NUP133: variants seen among roughly 807,000 people sequenced by gnomAD.
NUP133 encodes nuclear pore complex protein Nup133.
NUP133 carries 66 observed loss-of-function variants against 146.2 expected under a neutral mutation model. That is an observed-to-expected ratio of 0.45 (90% CI 0.37 to 0.55). The LOEUF (loss-of-function observed/expected upper bound fraction) is 0.55. Among genes scored for constraint, NUP133 ranks in the 20% least tolerant of loss-of-function variants. The pLI is 0.00. For missense variants in NUP133, 1,277 were observed against 1,374.8 expected (o/e 0.93, Z 1.12); for synonymous variants, 521 against 498.8 (o/e 1.04, Z -0.59).
In NUP133 at chr1:229,463,685, A is replaced by G; in HGVS notation, c.2552-9T>C. 1 of 1,580,652 alleles carries G rather than the reference A, an allele frequency of 6.3e-7. No homozygotes were observed. The highest frequency in any genetic ancestry group is 8.5e-7 in the Non-Finnish European group (1 of 1,170,208). On this transcript the variant is annotated splice_polypyrimidine_tract_variant and intron_variant, in intron 18 of 25. Coordinates refer to ENST00000261396, the MANE Select transcript of NUP133 (RefSeq NM_018230.3). The stretch of plus-strand genomic sequence containing the variant: ...GTACTGGCCTAGTGAAACTGTGGGA[A>G]TGAGAAAAGATGGGAAAAAATCCTG...
chr1:229,492,758 G>GA (rs1661557960), intron 8 of NUP133, among the ~76,000 whole-genome samples: 1 of 152,016 alleles, frequency 6.6e-6, no homozygotes, highest in Non-Finnish European at 1.5e-5. Context: ...TTGGGGACCT[G>GA]AAGGGGAAGG....
chr1:229,505,525 A>G (rs1460497569), intron 2 of NUP133, among the ~76,000 whole-genome samples: 1 of 144,020 alleles, frequency 6.9e-6, no homozygotes, highest in African/African-American at 2.5e-5. Context: ...AAATGAACTC[A>G]TTCTCCTTCT....
At chr1:229,480,469 G>A (rs1418042247) in intron 12 of NUP133, among the ~76,000 whole-genome samples, 1 of 152,168 alleles carries the variant, frequency 6.6e-6, no homozygotes. Context: ...AAAAGATTTA[G>A]TGTTTTTTGG....
intron 2 of NUP133, among the ~76,000 whole-genome samples, chr1:229,503,005 C>T (rs991472197): frequency 2.6e-5 from 4 of 151,896 alleles, no homozygotes; most frequent in East Asian, 3.9e-4. Flanking sequence ...GGGTGGCTCA[C>T]GCCTGTAATC....
At chr1:229,479,396 T>C (rs1368471237) in intron 12 of NUP133, among the ~76,000 whole-genome samples, 2 of 152,250 alleles carry the variant, frequency 1.3e-5, no homozygotes, top group Admixed American at 1.3e-4. Flanking sequence ...TACGGTTGTT[T>C]TATTACTATT....
At chr1:229,456,772 TACAC>T (rs200971911) in intron 21 of NUP133, among the ~76,000 whole-genome samples, 2 of 151,730 alleles carry the variant, frequency 1.3e-5, no homozygotes, top group Admixed American at 6.6e-5. Context: ...ATTTTATATA[TACAC>T]ACACACATTT....
intron 21 of NUP133, among the ~76,000 whole-genome samples, chr1:229,454,037 C>T (rs1291486351): frequency 6.6e-6 from 1 of 152,078 alleles, no homozygotes; most frequent in Non-Finnish European, 1.5e-5. Flanking sequence ...TGTAAGTGGA[C>T]CCATGCAGTT....
intron 7 of NUP133, 123 bp from the exon 8 acceptor site, chr1:229,495,688 T>TAA: frequency 9.3e-6 from 7 of 755,366 alleles, no homozygotes; most frequent in Admixed American, 3.3e-5. Context: ...ATGTATACAT[T>TAA]AAAAAAAAAA....
chr1:229,473,778 G>C (rs1661010275), intron 14 of NUP133, among the ~76,000 whole-genome samples: 1 of 152,038 alleles, frequency 6.6e-6, no homozygotes, highest in Admixed American at 6.5e-5. Context: ...CACAAAATTA[G>C]CCAGGTTCAG....
chr1:229,470,609 G>C lies in NUP133; in HGVS notation c.2047C>G (p.Leu683Val). 6 of 1,614,212 alleles carry C rather than the reference G, an allele frequency of 3.7e-6. No individual in the cohort carries two copies. In the South Asian group the frequency reaches 5.5e-5, roughly 15 times the overall value. Reference sequence around the variant, plus strand: ...CTGAAAAAGACATCTGCAGGAGTCAGGTTGGATGGGATTTCATACTCCCTC... The same window carrying C: ...CTGAAAAAGACATCTGCAGGAGTCACGTTGGATGGGATTTCATACTCCCTC... ...NKREYEIPSN[L>V]TPADVFFREV... The change falls in exon 15 of 26, where the codon CTG becomes GTG. Residue 683 changes from leucine (L) to valine (V), a missense_variant. Coordinates refer to ENST00000261396, the MANE Select transcript of NUP133 (RefSeq NM_018230.3).
At chr1:229,459,724 G>A (rs1041698234) in intron 20 of NUP133, among the ~76,000 whole-genome samples, 8 of 152,160 alleles carry the variant, frequency 5.3e-5, no homozygotes, top group South Asian at 2.1e-4. Flanking sequence ...ACTGCATTGT[G>A]TATTCTATAT....
rs759521088 is a variant in NUP133 at position 229,487,433 on chromosome 1, C to T, written c.1342+33G>A. On this transcript the variant is annotated intron_variant, in intron 10 of 25. Coordinates refer to ENST00000261396, the MANE Select transcript of NUP133 (RefSeq NM_018230.3). The stretch of plus-strand genomic sequence containing the variant: ...AAGCACTCAGAATGACTAATGAGCT[C>T]ACCAATCATGCTTTCTAAAACTGCT... 5 of 1,598,410 alleles carry T rather than the reference C, an allele frequency of 3.1e-6. No individual in the cohort carries two copies. In the South Asian group the frequency reaches 4.6e-5, roughly 15 times the overall value.
intron 17 of NUP133, 95 bp downstream of exon 17, chr1:229,465,325 C>T: frequency 1.0e-6 from 1 of 967,166 alleles, no homozygotes; most frequent in Non-Finnish European, 1.6e-6. Flanking sequence ...TTTCATTTCA[C>T]TTACAAACCT....
At chr1:229,478,178 T>C (rs943732433) in intron 12 of NUP133, among the ~76,000 whole-genome samples, 9 of 152,072 alleles carry the variant, frequency 5.9e-5, no homozygotes, top group African/African-American at 2.2e-4. Flanking sequence ...AATTGTGAAG[T>C]TAAATGTAAC....
At chr1:229,502,793 C>T (rs1390911019) in intron 2 of NUP133, among the ~76,000 whole-genome samples, 1 of 142,870 alleles carries the variant, frequency 7.0e-6, no homozygotes, top group African/African-American at 2.8e-5. Flanking sequence ...GAGACTCTCT[C>T]TCTTAAAAAA....
intron 23 of NUP133, 45 bp downstream of exon 23, chr1:229,450,480 A>C (rs763473052): frequency 2.1e-6 from 2 of 958,688 alleles, no homozygotes; most frequent in Admixed American, 2.5e-5. Context: ...CTCTTTTTAT[A>C]TATGTATTCA....
At chr1:229,501,172 G>A (rs1661789563) in intron 3 of NUP133, among the ~76,000 whole-genome samples, 1 of 152,176 alleles carries the variant, frequency 6.6e-6, no homozygotes, top group Non-Finnish European at 1.5e-5. Flanking sequence ...GAGTGCTTAG[G>A]CTTCCTATGG....
intron 12 of NUP133, among the ~76,000 whole-genome samples, chr1:229,479,216 C>T (rs1661149773): frequency 6.6e-6 from 1 of 152,200 alleles, no homozygotes; most frequent in Admixed American, 6.5e-5. Flanking sequence ...CTCTGTGGAG[C>T]TCCAGCATAC....
In NUP133 at chr1:229,508,268, C is replaced by A; in HGVS notation, c.-19G>T. 2 of 1,463,798 alleles carry A rather than the reference C, an allele frequency of 1.4e-6. No individual in the cohort carries two copies. The highest frequency in any genetic ancestry group is 3.6e-4 in the Middle Eastern group (2 of 5,582). 90.7% of individuals were successfully genotyped at this position (1,463,798 alleles called of 1,614,324 possible). A position where few individuals can be genotyped will look rare whatever the true frequency, so the allele number is the denominator to read the frequency against. ...GGAACATGACTCCAAGGAGCAGCGACTAGGACAGCGAGGGATCTGGCCGTC... is the reference window on the plus strand; with the variant it reads ...GGAACATGACTCCAAGGAGCAGCGAATAGGACAGCGAGGGATCTGGCCGTC... On this transcript the variant is annotated 5_prime_UTR_variant, in exon 1 of 26. Coordinates refer to ENST00000261396, the MANE Select transcript of NUP133 (RefSeq NM_018230.3).
Sources: gnomAD v4.1 joint callset for allele counts (sites outside exome capture counted in the v4.1 genomes callset) on GRCh38, gnomAD v4.1.1 for gene constraint, MANE v1.5 for transcripts, NCBI Gene and HGNC (gene_info 2026-07-23, HGNC 2026-07-21) for gene names.